Variants in CACNA1D observed in about 807,000 individuals in gnomAD.
CACNA1D encodes the protein voltage-dependent L-type calcium channel subunit alpha-1D.
A neutral mutation model predicts 257.1 loss-of-function variants in CACNA1D; 55 were observed. The observed-to-expected ratio is 0.21, with a 90% confidence interval of 0.17 to 0.27. The LOEUF is 0.27. Ranked by LOEUF, CACNA1D falls within the 10% of genes least tolerant of loss-of-function variation. The probability of loss-of-function intolerance (pLI) is 1.00; values close to 1 mark genes in which losing one functional copy is unlikely to be tolerated. For synonymous variants in CACNA1D, 980 were observed against 1,014.9 expected, an observed-to-expected ratio of 0.97 and a Z score of 0.65; for missense variants, 1,876 against 2,784.0, an observed-to-expected ratio of 0.67 and a Z score of 7.34.
rs796750280 is a variant in CACNA1D at position 53,735,317 on chromosome 3, A to G, written c.2622-57A>G. On this transcript the variant is annotated intron_variant, in intron 19 of 47. Coordinates refer to ENST00000350061, the MANE Select transcript of CACNA1D (RefSeq NM_001128840.3). ...CTGCAGTGGCCCCACACTCTTAAGG[A>G]CCCAGTGTGTTCCACCCTATCTGGG... The G allele has an allele frequency of 3.2e-6, 5 of 1,550,216 alleles. No individual in the cohort carries two copies. The African/African-American group carries it at 5.4e-5, about 17-fold the overall frequency.
chr3:53,630,369 G>A (rs905222016), intron 3 of CACNA1D, among the ~76,000 whole-genome samples: 1 of 152,146 alleles, frequency 6.6e-6, no homozygotes, highest in Non-Finnish European at 1.5e-5. Flanking sequence ...ATCCATATCT[G>A]ATTCAACAAT....
At chr3:53,787,449 GTGTGTA>G (rs911034696) in intron 40 of CACNA1D, among the ~76,000 whole-genome samples, 17 of 151,286 alleles carry the variant, frequency 1.1e-4, no homozygotes, top group African/African-American at 3.1e-4. Flanking sequence ...GTGTGTGTGT[GTGTGTA>G]TGTATGTATG....
chr3:53,738,071 T>A (rs2095076792), intron 20 of CACNA1D, among the ~76,000 whole-genome samples: 1 of 152,200 alleles, frequency 6.6e-6, no homozygotes, highest in Admixed American at 6.5e-5. Flanking sequence ...AGTTTCAGGT[T>A]ATTACCAAGA....
intron 20 of CACNA1D, among the ~76,000 whole-genome samples, chr3:53,738,772 C>G (rs139656327): frequency 1.3e-5 from 2 of 151,622 alleles, no homozygotes; most frequent in Non-Finnish European, 2.9e-5. Flanking sequence ...AAAAAGAGAG[C>G]GAGAGAATGC....
intron 3 of CACNA1D, among the ~76,000 whole-genome samples, chr3:53,571,783 A>G (rs1471213814): frequency 6.6e-6 from 1 of 152,168 alleles, no homozygotes; most frequent in Non-Finnish European, 1.5e-5. Flanking sequence ...GTTTTATTGC[A>G]AAGGCCTAGT....
At chr3:53,554,128 G>A (rs1045463393) in intron 3 of CACNA1D, among the ~76,000 whole-genome samples, 14 of 151,728 alleles carry the variant, frequency 9.2e-5, no homozygotes, top group South Asian at 4.2e-4. Flanking sequence ...CCCGGGAGGC[G>A]GAGCTTGCAG....
intron 3 of CACNA1D, among the ~76,000 whole-genome samples, chr3:53,647,155 T>C (rs2094030865): frequency 6.6e-6 from 1 of 152,158 alleles, no homozygotes; most frequent in Admixed American, 6.5e-5. Context: ...TCCGTCCATA[T>C]ACAGGGTAGT....
At chr3:53,710,721 G>A (rs2094744467) in intron 9 of CACNA1D, among the ~76,000 whole-genome samples, 1 of 151,652 alleles carries the variant, frequency 6.6e-6, no homozygotes, top group African/African-American at 2.4e-5. Flanking sequence ...CTCAAAAAAT[G>A]TACTTGATTC....
At chr3:53,769,028 T>C (rs200332822) in intron 30 of CACNA1D, among the ~76,000 whole-genome samples, 1 of 152,210 alleles carries the variant, frequency 6.6e-6, no homozygotes, top group East Asian at 1.9e-4. Context: ...CCGCTGACTG[T>C]TGCTGTTTAA....
intron 8 of CACNA1D, among the ~76,000 whole-genome samples, chr3:53,698,293 C>T (rs1462933594): frequency 6.6e-6 from 1 of 152,182 alleles, no homozygotes; most frequent in Non-Finnish European, 1.5e-5. Flanking sequence ...GCAGCATTAG[C>T]ACATGTACTC....
rs1402773391 is a variant in CACNA1D at position 53,751,406 on chromosome 3, C to G, written c.3517-343C>G. ...AGGAAAGGCAGTGATAAGGCCTGGA[C>G]CCAGTCCTCACTCCTGCTTGTGTAT... is the stretch of plus-strand genomic sequence containing the variant. On this transcript the variant is annotated intron_variant, in intron 27 of 47. Transcript: ENST00000350061. The surrounding 1 kb of genome is among the most constrained non-coding windows in gnomAD (Gnocchi z 4.3). Among the ~76,000 whole-genome samples the G allele has an allele frequency of 6.6e-6, 1 of 152,220 alleles. No individual in the cohort carries two copies. Among genetic ancestry groups the G allele is most frequent in the Non-Finnish European group, 1.5e-5 (1 of 68,032 alleles).
chr3:53,541,778 G>A (rs1269029877), intron 3 of CACNA1D, among the ~76,000 whole-genome samples: 1 of 152,146 alleles, frequency 6.6e-6, no homozygotes, highest in Non-Finnish European at 1.5e-5. Context: ...TTGTCTTCAA[G>A]CAGATTACTG....
Position 53,650,504 on chromosome 3 carries a change from C to T in CACNA1D, c.484-275C>T, listed in dbSNP as rs569514440. ...ATGCCTGTTATGTCCTAGGCAGACT[C>T]ATCACACGCATTGGGGCAGTTGGCA... On this transcript the variant is annotated intron_variant, in intron 3 of 47. Coordinates refer to ENST00000350061, the MANE Select transcript of CACNA1D (RefSeq NM_001128840.3). 1.2e-3 allele frequency among the ~76,000 whole-genome samples: 186 copies of T among 152,360 alleles called. 1 individual carries two copies. The highest frequency in any genetic ancestry group is 3.8e-3 in the Admixed American group (58 of 15,308).
chr3:53,518,089 A>G (rs574164772), intron 3 of CACNA1D, among the ~76,000 whole-genome samples: 1 of 152,308 alleles, frequency 6.6e-6, no homozygotes, highest in South Asian at 2.1e-4. Context: ...GAGTTCTGAT[A>G]TGTGGGTCTT....
In CACNA1D at chr3:53,731,284, A is replaced by G. The variant is rs2094989464; in HGVS notation, c.2406+138A>G. The G allele has an allele frequency of 1.5e-5, 10 of 687,118 alleles. No individual in the cohort carries two copies. The East Asian group carries it at 2.7e-4, about 19-fold the overall frequency. 42.6% of individuals were successfully genotyped at this position (687,118 alleles called of 1,614,324 possible). A position where few individuals can be genotyped will look rare whatever the true frequency, so the allele number is the denominator to read the frequency against. ...TGGTGTGAAGAATATGGCACACCAT[A>G]TAGACCCTGGCTTCCCAGGGGGGAT... On this transcript the variant is annotated intron_variant, in intron 17 of 47. Transcript: ENST00000350061.
intron 3 of CACNA1D, among the ~76,000 whole-genome samples, chr3:53,609,614 TTGTC>T (rs900833798): frequency 6.6e-6 from 1 of 152,160 alleles, no homozygotes; most frequent in African/African-American, 2.4e-5. Context: ...ATTCTAGTAA[TTGTC>T]TTTCTTTTAT....
chr3:53,654,878 T>G (rs1398732686), intron 4 of CACNA1D, among the ~76,000 whole-genome samples: 1 of 151,082 alleles, frequency 6.6e-6, no homozygotes, highest in Non-Finnish European at 1.5e-5. Flanking sequence ...AACCCCTAAA[T>G]CCAAAACAGG....
chr3:53,732,165 G>C, intron 18 of CACNA1D, 83 bp downstream of exon 18: 1 of 1,089,184 alleles, frequency 9.2e-7, no homozygotes, highest in African/African-American at 1.5e-5. Flanking sequence ...TCTGCGGCCA[G>C]CCAGCCCAGC....
At chr3:53,718,442 G>A (rs2094843615) in intron 10 of CACNA1D, 54 bp downstream of exon 10, 5 of 1,548,844 alleles carry the variant, frequency 3.2e-6, no homozygotes, top group Non-Finnish European at 4.5e-6. Flanking sequence ...CAGAGAAGCA[G>A]GTGGTGAGGA....
Sources: gnomAD v4.1 joint callset for allele counts (sites outside exome capture counted in the v4.1 genomes callset) on GRCh38, gnomAD v4.1.1 for gene constraint, Gnocchi (gnomAD v3.1) non-coding constraint, MANE v1.5 for transcripts, NCBI Gene and HGNC (gene_info 2026-07-23, HGNC 2026-07-21) for gene names.